ABCC3: variants seen among roughly 807,000 people sequenced by gnomAD.
The protein encoded by ABCC3 is ATP-binding cassette sub-family C member 3.
In ABCC3, 121 loss-of-function variants were observed where a neutral mutation model predicts 165.3. The observed-to-expected ratio is 0.73, with a 90% confidence interval of 0.63 to 0.85. The LOEUF (loss-of-function observed/expected upper bound fraction) is 0.85, where lower values mean the gene tolerates loss of function less well. Ranked by LOEUF, ABCC3 falls within the 40% of genes least tolerant of loss-of-function variation. The pLI is 0.00. For missense variants in ABCC3, 1,869 were observed against 1,964.1 expected (o/e 0.95, Z 0.92); for synonymous variants, 733 against 810.1 (o/e 0.90, Z 1.62).
rs1967740631 is a variant in ABCC3 at position 50,674,018 on chromosome 17, CTCTCTCTCTCTCTCTCTCTTTCTTTCTT to C, written c.2599+364_2599+391del. ...TCTCTCTCTCTCTCTCTCTCTCTCTCTCTCTCTCTCTCTCTCTCTTTCTTTCTTTCTTTCTTTCTTTCTTTCTTTCTTT... is the reference window on the plus strand; with the variant it reads ...TCTCTCTCTCTCTCTCTCTCTCTCTCTCTTTCTTTCTTTCTTTCTTTCTTT... On this transcript the variant is annotated intron_variant, in intron 19 of 30. Coordinates refer to ENST00000285238, the MANE Select transcript of ABCC3 (RefSeq NM_003786.4). Among the ~76,000 whole-genome samples the C allele has an allele frequency of 9.7e-4, 8 of 8,250 alleles. 2 individuals are homozygous for C. The highest frequency in any genetic ancestry group is 3.3e-3 in the African/African-American group (6 of 1,838). The allele number at this position is 8,250 out of a possible 152,430, so 5.4% of individuals were successfully genotyped here.
At chr17:50,677,082 A>C (rs1451401008) in intron 23 of ABCC3, among the ~76,000 whole-genome samples, 1 of 152,150 alleles carries the variant, frequency 6.6e-6, no homozygotes, top group Admixed American at 6.5e-5. Context: ...GGGTTTCACT[A>C]TGTTGGCCAG....
intron 29 of ABCC3, among the ~76,000 whole-genome samples, chr17:50,686,340 G>A (rs564862733): frequency 3.9e-5 from 6 of 152,288 alleles, no homozygotes; most frequent in Admixed American, 2.6e-4. Context: ...AGTTCAGCTG[G>A]TAAGGGGCAG....
chr17:50,645,044 AACAAAAATTAGCCTGGCGT>A (rs1348921601), intron 1 of ABCC3, among the ~76,000 whole-genome samples: 1 of 151,122 alleles, frequency 6.6e-6, no homozygotes, highest in African/African-American at 2.4e-5. Flanking sequence ...AAAAACAGAA[AACAAAAATTAGCCTGGCGT>A]AGTGGCATGT....
rs904679210 is a variant in ABCC3, at chr17:50,690,823, G to A, written c.4476-269G>A. ...TGAAGTCCTGTGACCCCGGCAAGGGGAAGGGCTCATTAGGGAAGGTTTTCA... is the reference window on the plus strand; with the variant it reads ...TGAAGTCCTGTGACCCCGGCAAGGGAAAGGGCTCATTAGGGAAGGTTTTCA... On this transcript the variant is annotated intron_variant, in intron 30 of 30. Transcript: ENST00000285238. 2.0e-5 allele frequency among the ~76,000 whole-genome samples: 3 copies of A among 152,264 alleles called. 1 individual carries two copies. The highest frequency in any genetic ancestry group is 4.4e-5 in the Non-Finnish European group (3 of 68,056).
In ABCC3 at chr17:50,667,873, T is replaced by C; in HGVS notation, c.1646T>C (p.Ile549Thr). Reference sequence around the variant, plus strand: ...CTCCACGCTGCTCAGGTGACCCTGATCACCCTCTGGGTGTACGTGTACGTG... The same window carrying C: ...CTCCACGCTGCTCAGGTGACCCTGACCACCCTCTGGGTGTACGTGTACGTG... The part of the protein sequence containing the change: ...WMCSPFLVTL[I>T]TLWVYVYVDP... The change falls in exon 13 of 31, where the codon ATC (isoleucine) becomes ACC (threonine). Residue 549 changes from isoleucine (I) to threonine (T), a missense_variant. Ile to Thr is a moderately conservative substitution (Grantham distance 89). Transcript: ENST00000285238. 1 of 1,614,066 alleles carries C rather than the reference T, an allele frequency of 6.2e-7. No homozygotes were observed.
chr17:50,654,023 C>T (rs998354352), intron 1 of ABCC3, among the ~76,000 whole-genome samples: 2 of 152,144 alleles, frequency 1.3e-5, no homozygotes, highest in Admixed American at 1.3e-4. Context: ...TTTCAGTTCA[C>T]TATGTAAGGA....
chr17:50,685,968 G>A (rs1968014374), intron 29 of ABCC3, among the ~76,000 whole-genome samples: 1 of 152,214 alleles, frequency 6.6e-6, no homozygotes, highest in Non-Finnish European at 1.5e-5. Context: ...GGCCAAGGCA[G>A]GTGGATCACT....
intron 1 of ABCC3, among the ~76,000 whole-genome samples, chr17:50,639,412 A>G (rs2054207511): frequency 6.6e-6 from 1 of 152,202 alleles, no homozygotes. Flanking sequence ...GGGAAGTGGC[A>G]TTCAGGAGGG....
At chr17:50,683,313 G>A (rs894643048) in intron 26 of ABCC3, among the ~76,000 whole-genome samples, 1 of 149,844 alleles carries the variant, frequency 6.7e-6, no homozygotes, top group Non-Finnish European at 1.5e-5. Flanking sequence ...GTTCAAGGCT[G>A]CAATGAGCCA....
At chr17:50,686,475 C>A (rs1968023626) in intron 29 of ABCC3, among the ~76,000 whole-genome samples, 1 of 152,098 alleles carries the variant, frequency 6.6e-6, no homozygotes, top group Admixed American at 6.5e-5. Flanking sequence ...ACCCACGCAG[C>A]CCTTAAGACT....
Position 50,675,796 on chromosome 17 carries a change from G to C in ABCC3, c.2859+21G>C, listed in dbSNP as rs199945263. 8.8e-6 allele frequency: 14 copies of C among 1,582,912 alleles called. No homozygotes were observed. The African/African-American group carries it at 1.6e-4, about 18-fold the overall frequency. Reference sequence around the variant, plus strand: ...GCACTGTGAGTCGGTGGGGCAAGAGGGGCTGGAGGGGATGGACAGGCAGGC... The same window carrying C: ...GCACTGTGAGTCGGTGGGGCAAGAGCGGCTGGAGGGGATGGACAGGCAGGC... On this transcript the variant is annotated intron_variant, in intron 21 of 30. Coordinates refer to ENST00000285238, the MANE Select transcript of ABCC3 (RefSeq NM_003786.4).
rs11568599 is a variant in ABCC3, at chr17:50,668,908, C to T, written c.1926C>T (p.Pro642=). ...GTFTWAQDLP[P]TLHSLDIQVP... ...TCACCTGGGCCCAGGACCTGCCCCC[C>T]ACTCTGCACAGGTACCAGCTTCTCC... Residue 642 remains proline (P), a synonymous_variant, in exon 15 of 31, where the codon CCC becomes CCT. Transcript: ENST00000285238. 7 of 1,613,922 alleles carry T rather than the reference C, an allele frequency of 4.3e-6. No individual in the cohort carries two copies. The highest frequency in any genetic ancestry group is 1.7e-5 in the Admixed American group (1 of 59,990).
At chr17:50,658,318 C>G in intron 5 of ABCC3, 111 bp downstream of exon 5, 1 of 1,587,522 alleles carries the variant, frequency 6.3e-7, no homozygotes, top group Non-Finnish European at 8.6e-7. Flanking sequence ...GAGGTCATCC[C>G]CACAATCTGT....
chr17:50,662,280 C>G (rs558342102), intron 8 of ABCC3: 1 of 152,190 alleles, frequency 6.6e-6, no homozygotes, highest in African/African-American at 2.4e-5. Flanking sequence ...GACGATGGAT[C>G]TTTTGCTGAG....
intron 23 of ABCC3, among the ~76,000 whole-genome samples, chr17:50,676,896 G>C (rs1420977480): frequency 1.5e-5 from 2 of 135,148 alleles, no homozygotes; most frequent in African/African-American, 5.6e-5. Context: ...TGGGGGGGGG[G>C]GGACGGAATC....
At chr17:50,642,528 T>G (rs1541392) in intron 1 of ABCC3, among the ~76,000 whole-genome samples, 21,740 of 152,100 alleles carry the variant, frequency 0.14, 1,538 homozygotes, top group South Asian at 0.17. Context: ...CTTCCCTGAG[T>G]GTTGTCCCGT....
chr17:50,676,554 T>C lies in ABCC3; in HGVS notation c.3344T>C (p.Ile1115Thr). ...AGCACGCCGCTCTTCACTGTGGTCA[T>C]CCTGCCCCTGGCTGTGCTCTACACC... ...MASTPLFTVV[I>T]LPLAVLYTLV... Residue 1115 changes from isoleucine (I) to threonine (T), a missense_variant, in exon 23 of 31, where the codon ATC becomes ACC. Coordinates refer to ENST00000285238, the MANE Select transcript of ABCC3 (RefSeq NM_003786.4). The C allele has an allele frequency of 6.2e-7, 1 of 1,611,382 alleles. No individual in the cohort carries two copies. The highest frequency in any genetic ancestry group is 1.1e-5 in the South Asian group (1 of 90,950).
chr17:50,642,178 C>T (rs745995340), intron 1 of ABCC3, among the ~76,000 whole-genome samples: 2 of 152,186 alleles, frequency 1.3e-5, no homozygotes, highest in African/African-American at 2.4e-5. Context: ...CTGCCATCCC[C>T]GGGCCAGGCA....
chr17:50,656,653 C>G (rs1347790495), intron 2 of ABCC3, 49 bp from the exon 3 acceptor site: 3 of 1,569,648 alleles, frequency 1.9e-6, no homozygotes, highest in Non-Finnish European at 2.6e-6. Context: ...CCAGTGAGGA[C>G]TGTCCTTGCC....
Sources: gnomAD v4.1 joint callset for allele counts (sites outside exome capture counted in the v4.1 genomes callset) on GRCh38, gnomAD v4.1.1 for gene constraint, MANE v1.5 for transcripts, NCBI Gene and HGNC (gene_info 2026-07-23, HGNC 2026-07-21) for gene names.